Variants in PSAP observed in about 807,000 individuals in gnomAD.
PSAP encodes the protein prosaposin.
PSAP carries 25 observed loss-of-function variants against 66.0 expected under a neutral mutation model. That is an observed-to-expected ratio of 0.38 (90% confidence interval 0.28 to 0.53). The LOEUF (loss-of-function observed/expected upper bound fraction) is 0.53. Ranked by LOEUF, PSAP falls within the 20% of genes least tolerant of loss-of-function variation. PSAP has a pLI of 0.83. For missense variants in PSAP, 649 were observed against 668.8 expected (o/e 0.97, Z 0.33); for synonymous variants, 273 against 258.9 (o/e 1.05, Z -0.52).
chr10:71,819,682 C>T (rs778422634), intron 10 of PSAP, 32 bp downstream of exon 10: 1 of 1,614,060 alleles, frequency 6.2e-7, no homozygotes, highest in East Asian at 2.2e-5. Context: ...AAGAGGGGCA[C>T]CATCCTCTCC....
chr10:71,850,320 C>G (rs561688984), intron 1 of PSAP, among the ~76,000 whole-genome samples: 1 of 152,228 alleles, frequency 6.6e-6, no homozygotes, highest in Non-Finnish European at 1.5e-5. Flanking sequence ...TTGGTCTCCA[C>G]AATCCTTTAT....
At chr10:71,825,690 T>C (rs368820362) in intron 7 of PSAP, 147 bp downstream of exon 7, 9 of 745,698 alleles carry the variant, frequency 1.2e-5, no homozygotes, top group African/African-American at 8.7e-5. Context: ...AAGTGGAGAG[T>C]CTCCTAGCCA....
intron 1 of PSAP, 94 bp from the exon 2 acceptor site, chr10:71,834,599 A>T (rs886493152): frequency 3.3e-6 from 5 of 1,507,690 alleles, no homozygotes; most frequent in Non-Finnish European, 4.5e-6. Flanking sequence ...ACTGTCCTTG[A>T]GCTGGACTCT....
At chr10:71,822,121 A>G (rs2133035555) in intron 7 of PSAP, 114 bp from the exon 8 acceptor site, 1 of 1,432,836 alleles carries the variant, frequency 7.0e-7, no homozygotes, top group Non-Finnish European at 9.7e-7. Flanking sequence ...GGTCAAGGCT[A>G]CCTCCCTCTC....
chr10:71,819,075 T>C lies in PSAP; in HGVS notation c.1387A>G (p.Ile463Val). 1 of 1,614,134 alleles carries C rather than the reference T, an allele frequency of 6.2e-7. No individual in the cohort carries two copies. Among genetic ancestry groups the C allele is most frequent in the Non-Finnish European group, 8.5e-7 (1 of 1,180,008 alleles). The change falls in exon 12 of 14, where the codon ATC (isoleucine) becomes GTC (valine). Residue 463 changes from isoleucine (I) to valine (V), a missense_variant. Transcript: ENST00000394936. The part of the protein sequence containing the change: ...QFVAEYEPVL[I>V]EILVEVMDPS... Reference sequence around the variant, plus strand: ...TCCATCACCTCCACCAGGATCTCGATCAGCACGGGCTCGTACTCTGCCACA... The same window carrying C: ...TCCATCACCTCCACCAGGATCTCGACCAGCACGGGCTCGTACTCTGCCACA...
intron 1 of PSAP, among the ~76,000 whole-genome samples, chr10:71,847,008 C>A (rs774917354): frequency 8.5e-5 from 13 of 152,166 alleles, no homozygotes; most frequent in Non-Finnish European, 2.9e-5. Flanking sequence ...GCCAGCAACA[C>A]CCCGCCCTAC....
chr10:71,842,186 T>C (rs144703945), intron 1 of PSAP, among the ~76,000 whole-genome samples: 534 of 152,300 alleles, frequency 3.5e-3, no homozygotes, highest in Non-Finnish European at 5.9e-3. Context: ...AGTTGCCATT[T>C]TGCTCATTCA....
chr10:71,851,055 GC>G (rs2133075020), intron 1 of PSAP, 126 bp downstream of exon 1: 1 of 1,113,954 alleles, frequency 9.0e-7, no homozygotes, highest in East Asian at 2.6e-5. Context: ...ACGCGCCTGC[GC>G]AGTGCGCGCG....
At chr10:71,819,403 G>A in intron 11 of PSAP, 62 bp downstream of exon 11, 1 of 1,599,592 alleles carries the variant, frequency 6.3e-7, no homozygotes, top group Middle Eastern at 1.9e-4. Flanking sequence ...ATGTACCCCA[G>A]CCTTGGCATA....
intron 8 of PSAP, 71 bp from the exon 9 acceptor site, chr10:71,820,406 G>C: frequency 7.7e-7 from 1 of 1,292,290 alleles, no homozygotes. Flanking sequence ...TCCCCTAAAG[G>C]AAAGGGGACA....
chr10:71,836,325 C>T (rs968956457), intron 1 of PSAP, among the ~76,000 whole-genome samples: 2 of 152,094 alleles, frequency 1.3e-5, no homozygotes, highest in African/African-American at 2.4e-5. Flanking sequence ...GCATGGCTGG[C>T]GCCAGCCTCA....
At chr10:71,831,347 C>A in intron 3 of PSAP, 96 bp from the exon 4 acceptor site, 2 of 1,520,518 alleles carry the variant, frequency 1.3e-6, no homozygotes, top group Non-Finnish European at 1.8e-6. Context: ...CCCAGAAAAA[C>A]CAAGCCTGGA....
At chr10:71,841,777 G>A (rs1842737800) in intron 1 of PSAP, among the ~76,000 whole-genome samples, 2 of 152,042 alleles carry the variant, frequency 1.3e-5, no homozygotes, top group African/African-American at 2.4e-5. Flanking sequence ...AGGCCGAGGC[G>A]AGTGGATTAC....
At chr10:71,835,729 G>C (rs1421578091) in intron 1 of PSAP, among the ~76,000 whole-genome samples, 1 of 150,214 alleles carries the variant, frequency 6.7e-6, no homozygotes, top group Non-Finnish European at 1.5e-5. Flanking sequence ...TACACATAGA[G>C]GATGGTGGCA....
At chr10:71,829,919 A>G (rs892402882) in intron 4 of PSAP, among the ~76,000 whole-genome samples, 2 of 152,024 alleles carry the variant, frequency 1.3e-5, no homozygotes, top group Admixed American at 1.3e-4. Context: ...AATCACTTGA[A>G]CCCGGAAGGC....
chr10:71,849,494 G>A (rs1842883749), intron 1 of PSAP, among the ~76,000 whole-genome samples: 1 of 151,634 alleles, frequency 6.6e-6, no homozygotes. Context: ...CCAGAACTTT[G>A]GGAGGCTGAG....
Position 71,816,508 on chromosome 10 carries a change from C to T in PSAP, c.*933G>A, listed in dbSNP as rs968500469. 3 of 464,012 alleles carry T rather than the reference C, an allele frequency of 6.5e-6. No individual in the cohort carries two copies. The highest frequency in any genetic ancestry group is 1.4e-5 in the Non-Finnish European group (3 of 220,948). 28.7% of individuals were successfully genotyped at this position (464,012 alleles called of 1,614,324 possible). On this transcript the variant is annotated 3_prime_UTR_variant, in exon 14 of 14. Transcript: ENST00000394936. ...TCCAATCCACACCCAGCAGACCCTT[C>T]GGCATGCCGCCCTCTACCAGGAAGC...
intron 1 of PSAP, among the ~76,000 whole-genome samples, chr10:71,845,021 T>C (rs1313758340): frequency 6.6e-6 from 1 of 152,220 alleles, no homozygotes; most frequent in African/African-American, 2.4e-5. Context: ...AATTGTTCTG[T>C]ATTACTAGTT....
At position 71,816,705 on chromosome 10, in the gene PSAP, C is replaced by A; in HGVS notation, c.*736G>T. 3.5e-6 allele frequency: 1 copy of A among 282,104 alleles called. No individual in the cohort carries two copies. Among genetic ancestry groups the A allele is most frequent in the South Asian group, 3.3e-5 (1 of 30,650 alleles). 17.5% of individuals were successfully genotyped at this position (282,104 alleles called of 1,614,324 possible). ...TCCACACGCTCACACAAGCCAGGCC[C>A]GCAGGGCCTTCGGAGAGCTAGCAGG... is the stretch of plus-strand genomic sequence containing the variant. On this transcript the variant is annotated 3_prime_UTR_variant, in exon 14 of 14. Transcript: ENST00000394936.
Sources: allele counts gnomAD v4.1 joint callset (sites outside exome capture counted in the v4.1 genomes callset), GRCh38; gene constraint gnomAD v4.1.1; transcripts MANE v1.5; gene names NCBI Gene and HGNC (gene_info 2026-07-23, HGNC 2026-07-21).